R3HDM1: variants seen among roughly 807,000 people sequenced by gnomAD.
R3HDM1 encodes R3H domain containing 1, also known as R3H domain-containing protein 1.
In R3HDM1, 46 loss-of-function variants were observed where a neutral mutation model predicts 141.1. The ratio of observed to expected loss-of-function variants is 0.33; its 90% confidence interval spans 0.26 to 0.42. The LOEUF is 0.42. R3HDM1 is among the 10% of genes least tolerant of loss of function. R3HDM1 has a pLI of 1.00. For synonymous variants in R3HDM1, 435 were observed against 472.9 expected (o/e 0.92, Z 1.04); for missense variants, 1,184 against 1,368.3 (o/e 0.87, Z 2.12).
chr2:135,637,692 G>A lies in R3HDM1; in HGVS notation c.904-926G>A, dbSNP rs796285074. On this transcript the variant is annotated intron_variant, in intron 11 of 26. Coordinates refer to ENST00000683871, the MANE Select transcript of R3HDM1 (RefSeq NM_001378107.1). ...TTCTAGCCTGAGTGATATAGGAAGT[G>A]AGGAAAGTTTAGGTTGGAAAAATAA... 1.5e-4 allele frequency among the ~76,000 whole-genome samples: 23 copies of A among 152,294 alleles called. 1 individual carries two copies. The highest frequency in any genetic ancestry group is 5.1e-4 in the African/African-American group (21 of 41,560).
chr2:135,538,739 A>T (rs1343059376), intron 1 of R3HDM1, among the ~76,000 whole-genome samples: 1 of 151,966 alleles, frequency 6.6e-6, no homozygotes, highest in Non-Finnish European at 1.5e-5. Context: ...TCAGCCTCCC[A>T]AGTAGCTGGG....
intron 3 of R3HDM1, chr2:135,605,974 G>C (rs990880337): frequency 3.3e-5 from 5 of 151,736 alleles, no homozygotes; most frequent in African/African-American, 9.8e-5. Flanking sequence ...GCAAGCCATC[G>C]CACCTGGCCC....
chr2:135,666,921 T>TAA (rs59959578), intron 19 of R3HDM1: 71,393 of 181,778 alleles, frequency 0.39, 19,725 homozygotes, highest in African/African-American at 0.76. Flanking sequence ...GGCTCATCTT[T>TAA]AAAAAAAAAA....
At chr2:135,541,741 A>G (rs1042347316) in intron 1 of R3HDM1, among the ~76,000 whole-genome samples, 1 of 151,978 alleles carries the variant, frequency 6.6e-6, no homozygotes, top group African/African-American at 2.4e-5. Flanking sequence ...AGTTTGAAAT[A>G]TTGCAAGAAT....
Position 135,584,300 on chromosome 2 carries a change from C to T in R3HDM1, c.-249-18200C>T, listed in dbSNP as rs191606414. The T allele has an allele frequency of 6.0e-5, 47 of 777,032 alleles. No individual in the cohort carries two copies. In the Admixed American group the frequency reaches 2.8e-3, roughly 46 times the overall value. The allele number at this position is 777,032 out of a possible 1,614,324, so 48.1% of individuals were successfully genotyped here. On this transcript the variant is annotated intron_variant, in intron 1 of 26. Coordinates refer to ENST00000683871, the MANE Select transcript of R3HDM1 (RefSeq NM_001378107.1). Reference sequence around the variant, plus strand: ...CCGAGATTGTGCCACTGCTCTCCAGCCTGGGTGACAGAACGAGATTCCGTC... The same window carrying T: ...CCGAGATTGTGCCACTGCTCTCCAGTCTGGGTGACAGAACGAGATTCCGTC...
At chr2:135,678,476 A>G (rs548428327) in intron 20 of R3HDM1, among the ~76,000 whole-genome samples, 13 of 151,738 alleles carry the variant, frequency 8.6e-5, no homozygotes, top group Admixed American at 8.5e-4. Context: ...GGCCTGGCGC[A>G]GTGGCTCATG....
chr2:135,723,789 A>G (rs1264902173), intron 26 of R3HDM1, 148 bp from the exon 27 acceptor site: 3 of 537,054 alleles, frequency 5.6e-6, no homozygotes, highest in Admixed American at 3.8e-5. Context: ...AAAAAAAAAA[A>G]AAAAAAAAAA....
chr2:135,722,938 C>T (rs1369685329), intron 26 of R3HDM1, among the ~76,000 whole-genome samples: 1 of 152,036 alleles, frequency 6.6e-6, no homozygotes, highest in Non-Finnish European at 1.5e-5. Context: ...TTTTAACTTT[C>T]TACTCAGCAG....
chr2:135,581,996 G>A (rs567442469), intron 1 of R3HDM1, among the ~76,000 whole-genome samples: 2 of 152,234 alleles, frequency 1.3e-5, no homozygotes, highest in African/African-American at 2.4e-5. Context: ...TGAGTGCTTT[G>A]TAACTGTATA....
At chr2:135,612,627 A>G (rs573283502) in intron 3 of R3HDM1, among the ~76,000 whole-genome samples, 1 of 152,310 alleles carries the variant, frequency 6.6e-6, no homozygotes, top group African/African-American at 2.4e-5. Context: ...GTATAAAACA[A>G]TGTAAATTAT....
At chr2:135,592,416 G>A (rs1709486505) in intron 1 of R3HDM1, among the ~76,000 whole-genome samples, 2 of 152,146 alleles carry the variant, frequency 1.3e-5, no homozygotes. Flanking sequence ...ATAACTCCGA[G>A]GTCAAGACTG....
intron 23 of R3HDM1, among the ~76,000 whole-genome samples, 195 bp from the exon 24 acceptor site, chr2:135,715,355 G>C (rs567429334): frequency 6.6e-6 from 1 of 152,058 alleles, no homozygotes; most frequent in Non-Finnish European, 1.5e-5. Flanking sequence ...CTGGGCAACA[G>C]AGTGAGACTC....
At position 135,723,984 on chromosome 2, in the gene R3HDM1, C is replaced by T; in HGVS notation, c.3097C>T (p.Arg1033Cys). The T allele has an allele frequency of 4.3e-6, 7 of 1,613,888 alleles. No individual in the cohort carries two copies. Among genetic ancestry groups the T allele is most frequent in the African/African-American group, 1.3e-5 (1 of 74,942 alleles). The change falls in exon 27 of 27, where the codon CGC becomes TGC. Residue 1033 changes from arginine (R) to cysteine (C), a missense_variant. Physicochemically the swap from Arg to Cys is radical, Grantham distance 180. Around this residue, in one of 5 missense-constraint regions of R3HDM1, gnomAD observed 182 missense variants for 252.6 expected, o/e 0.72. Coordinates refer to ENST00000683871, the MANE Select transcript of R3HDM1 (RefSeq NM_001378107.1). The stretch of plus-strand genomic sequence containing the variant: ...TACTGAACTACCAGATGGAATAACT[C>T]GCATGGAAGCTGAAAAGCTTTTTGG... ...EITELPDGIT[R>C]MEAEKLFGEL...
intron 5 of R3HDM1, chr2:135,620,499 C>T (rs1020926399): frequency 9.2e-6 from 9 of 982,794 alleles, no homozygotes; most frequent in African/African-American, 3.5e-5. Flanking sequence ...CATCATTTAC[C>T]CTATATTATG....
intron 7 of R3HDM1, among the ~76,000 whole-genome samples, chr2:135,626,725 G>T (rs2062090204): frequency 6.6e-6 from 1 of 152,118 alleles, no homozygotes; most frequent in Non-Finnish European, 1.5e-5. Flanking sequence ...TCAATATACA[G>T]ATAGGAGCAC....
intron 1 of R3HDM1, among the ~76,000 whole-genome samples, chr2:135,560,885 C>G (rs1283766397): frequency 6.6e-6 from 1 of 152,092 alleles, no homozygotes; most frequent in Non-Finnish European, 1.5e-5. Context: ...GAACCCCAAA[C>G]TTAAAGCATC....
intron 15 of R3HDM1, among the ~76,000 whole-genome samples, chr2:135,644,545 C>T (rs2064168277): frequency 6.6e-6 from 1 of 152,028 alleles, no homozygotes; most frequent in African/African-American, 2.4e-5. Context: ...AAGGACAGTA[C>T]CATCAAGTTT....
At chr2:135,597,800 A>G (rs984782949) in intron 1 of R3HDM1, among the ~76,000 whole-genome samples, 1 of 152,122 alleles carries the variant, frequency 6.6e-6, no homozygotes, top group Non-Finnish European at 1.5e-5. Flanking sequence ...TAGGAGCGAG[A>G]TTTCTTTCCC....
chr2:135,669,281 CCTG>C, intron 19 of R3HDM1: 1 of 985,314 alleles, frequency 1.0e-6, no homozygotes, highest in Non-Finnish European at 1.2e-6. Context: ...CTTATTTACA[CCTG>C]CTCTTTTTTA....
Sources: allele counts gnomAD v4.1 joint callset (sites outside exome capture counted in the v4.1 genomes callset), GRCh38; gene constraint gnomAD v4.1.1; regional missense constraint gnomAD v4.1.1; transcripts MANE v1.5; gene names NCBI Gene and HGNC (gene_info 2026-07-23, HGNC 2026-07-21).